The following ANXA8 variants were observed in gnomAD, a reference collection of about 807,000 sequenced individuals.
ANXA8 encodes annexin A8, also known as VAC-beta.
ANXA8 carries 9 observed loss-of-function variants against 26.8 expected under a neutral mutation model. The observed-to-expected ratio is 0.34, with a 90% confidence interval of 0.20 to 0.59. ANXA8 has a LOEUF of 0.59. Ranked by LOEUF, ANXA8 falls within the 20% of genes least tolerant of loss-of-function variation. The probability of loss-of-function intolerance (pLI) is 0.84; values close to 1 mark genes in which losing one functional copy is unlikely to be tolerated. For synonymous variants in ANXA8, 39 were observed against 94.8 expected, an observed-to-expected ratio of 0.41 and a Z score of 3.42; for missense variants, 83 against 238.5, an observed-to-expected ratio of 0.35 and a Z score of 4.29.
At chr10:47,636,542 G>A in the ANXA8 span, among the ~76,000 whole-genome samples, 2 of 144,528 alleles carry the variant, frequency 1.4e-5, no homozygotes, top group Non-Finnish European at 3.0e-5. Context: ...TAAAAAAATT[G>A]TACACCTTTC....
At chr10:47,519,454 T>G in the ANXA8 span, among the ~76,000 whole-genome samples, 2 of 113,736 alleles carry the variant, frequency 1.8e-5, no homozygotes, top group South Asian at 2.8e-4. Flanking sequence ...GGCAACAGAG[T>G]GAGACTCCAT....
chr10:47,570,793 T>TA, the ANXA8 span, among the ~76,000 whole-genome samples: 1 of 149,572 alleles, frequency 6.7e-6, no homozygotes, highest in Admixed American at 6.7e-5. Context: ...AGAAAAGAAA[T>TA]AAAGCTATTC....
At chr10:47,966,012 G>A in the ANXA8 span, among the ~76,000 whole-genome samples, 5 of 134,434 alleles carry the variant, frequency 3.7e-5, no homozygotes, top group South Asian at 2.6e-4. Context: ...TCCAGAGAGC[G>A]AAAGACGATG....
At chr10:47,533,225 C>CACACACACACACACACACACACA in the ANXA8 span, among the ~76,000 whole-genome samples, 1 of 98,548 alleles carries the variant, frequency 1.0e-5, no homozygotes, top group Non-Finnish European at 2.2e-5. Context: ...ACACACACAC[C>CACACACACACACACACACACACA]CCCGCAGACA....
chr10:47,974,751 C>T, the ANXA8 span, among the ~76,000 whole-genome samples: 4 of 148,118 alleles, frequency 2.7e-5, no homozygotes, highest in Non-Finnish European at 6.0e-5. Flanking sequence ...GCACTGTGGT[C>T]CAAGAGTGTG....
the ANXA8 span, among the ~76,000 whole-genome samples, chr10:47,493,771 C>A: frequency 1.3e-5 from 2 of 149,676 alleles, no homozygotes; most frequent in Non-Finnish European, 3.0e-5. Context: ...CCCATGAGAC[C>A]CTGCCCTGCT....
chr10:47,579,209 G>A, the ANXA8 span, among the ~76,000 whole-genome samples: 102 of 90,974 alleles, frequency 1.1e-3, 5 homozygotes, highest in African/African-American at 3.4e-3. Flanking sequence ...GCACAATCAC[G>A]GCTCACTACA....
At chr10:47,548,578 G>C in the ANXA8 span, among the ~76,000 whole-genome samples, 2 of 151,406 alleles carry the variant, frequency 1.3e-5, no homozygotes, top group Non-Finnish European at 2.9e-5. Flanking sequence ...TGGGATTACA[G>C]GCATGAGCCA....
the ANXA8 span, chr10:47,543,697 G>A: frequency 2.7e-3 from 1,911 of 701,722 alleles, 42 homozygotes; most frequent in African/African-American, 0.032. Flanking sequence ...CAGCAGAAAC[G>A]AATGCCAAAG....
At chr10:47,519,467 CAAAAAAA>C in the ANXA8 span, among the ~76,000 whole-genome samples, 1 of 84,752 alleles carries the variant, frequency 1.2e-5, no homozygotes, top group Non-Finnish European at 2.3e-5. Flanking sequence ...GACTCCATTT[CAAAAAAA>C]AAAAAAAAAA....
the ANXA8 span, among the ~76,000 whole-genome samples, chr10:47,495,062 CCTCT>C: frequency 6.7e-6 from 1 of 148,728 alleles, no homozygotes; most frequent in Non-Finnish European, 1.5e-5. Flanking sequence ...AACCACCTCT[CCTCT>C]CTCTCTCTCT....
chr10:47,515,806 C>T, the ANXA8 span, among the ~76,000 whole-genome samples: 2 of 128,456 alleles, frequency 1.6e-5, 1 homozygote, highest in Non-Finnish European at 3.3e-5. Flanking sequence ...AGATAATACA[C>T]TGAGGTCTCC....
At chr10:47,699,642 C>T in the ANXA8 span, among the ~76,000 whole-genome samples, 1 of 149,750 alleles carries the variant, frequency 6.7e-6, no homozygotes, top group Non-Finnish European at 1.5e-5. Flanking sequence ...GCCTGGGCTA[C>T]AAAAAAGAAA....
At chr10:47,952,067 A>G in the ANXA8 span, among the ~76,000 whole-genome samples, 2 of 150,564 alleles carry the variant, frequency 1.3e-5, no homozygotes, top group East Asian at 4.1e-4. Context: ...TTCACGATGT[A>G]CTTTTTTTTA....
the ANXA8 span, among the ~76,000 whole-genome samples, chr10:47,514,162 C>T: frequency 1.4e-5 from 2 of 143,504 alleles, no homozygotes; most frequent in Non-Finnish European, 3.0e-5. Context: ...CTATGAGGAA[C>T]TCAAACAAAT....
the ANXA8 span, among the ~76,000 whole-genome samples, chr10:47,595,216 G>C: frequency 6.7e-6 from 1 of 148,530 alleles, no homozygotes; most frequent in African/African-American, 2.6e-5. Flanking sequence ...CAAGCAATCG[G>C]TAAGGGAATT....
chr10:47,727,081 T>A, the ANXA8 span: 1 of 766,684 alleles, frequency 1.3e-6, no homozygotes, highest in East Asian at 2.7e-5. Flanking sequence ...GAAGGATAAT[T>A]TAGCTTAAGT....
the ANXA8 span, among the ~76,000 whole-genome samples, chr10:47,666,679 C>A: frequency 2.6e-5 from 4 of 151,872 alleles, no homozygotes; most frequent in South Asian, 2.1e-4. Flanking sequence ...ATCCTCAGTA[C>A]CTTATTTCCC....
chr10:47,724,812 C>T, the ANXA8 span, among the ~76,000 whole-genome samples: 1 of 139,286 alleles, frequency 7.2e-6, no homozygotes, highest in South Asian at 2.2e-4. Flanking sequence ...TTTACAAAGC[C>T]TCATACTCAT....
Sources: allele counts gnomAD v4.1 joint callset (sites outside exome capture counted in the v4.1 genomes callset), GRCh38; gene constraint gnomAD v4.1.1; transcripts MANE v1.5; gene names NCBI Gene and HGNC (gene_info 2026-07-23, HGNC 2026-07-21).